The following LRRIQ1 variants were observed in gnomAD, a reference collection of about 807,000 sequenced individuals.
LRRIQ1 encodes leucine rich repeats and IQ motif containing 1, also known as leucine-rich repeat- and IQ domain-containing protein 1.
In LRRIQ1, 210 loss-of-function variants were observed where a neutral mutation model predicts 211.9. The observed-to-expected ratio is 0.99, with a 90% CI of 0.89 to 1.11. The LOEUF is 1.11. LRRIQ1 is among the 50% of genes most tolerant of loss of function. The probability of loss-of-function intolerance (pLI) is 0.00; values close to 1 mark genes in which losing one functional copy is unlikely to be tolerated. For missense variants in LRRIQ1, 2,136 were observed against 1,939.5 expected (o/e 1.10, Z -1.90); for synonymous variants, 699 against 650.1 (o/e 1.08, Z -1.14).
At chr12:85,100,384 T>G (rs967637973) in intron 13 of LRRIQ1, among the ~76,000 whole-genome samples, 1 of 151,658 alleles carries the variant, frequency 6.6e-6, no homozygotes, top group Non-Finnish European at 1.5e-5. Flanking sequence ...TTATATAAAC[T>G]AGAGAATTAA....
chr12:85,233,769 G>A (rs1231965570), intron 26 of LRRIQ1, among the ~76,000 whole-genome samples: 1 of 152,080 alleles, frequency 6.6e-6, no homozygotes, highest in Non-Finnish European at 1.5e-5. Context: ...TTTTAATAGA[G>A]ACCTCTCTAA....
chr12:85,254,695 A>G (rs12827426), intron 1 of LRRIQ1, among the ~76,000 whole-genome samples: 32,984 of 151,968 alleles, frequency 0.22, 4,385 homozygotes, highest in Non-Finnish European at 0.29. Context: ...TTTTCCTCAG[A>G]CACCATCTTA....
chr12:85,210,808 A>T lies in LRRIQ1; in HGVS notation c.4823-18709A>T, dbSNP rs536875600. On this transcript the variant is annotated intron_variant, in intron 24 of 26. Transcript: ENST00000393217. ...TTTGTGTACTGAACAAACTTAGAAG[A>T]TAAAGATAGTGTGCCCACTGAAGGT... Among the ~76,000 whole-genome samples, 10 of 152,322 alleles carry T rather than the reference A, an allele frequency of 6.6e-5. No homozygotes were observed. In the South Asian group the frequency reaches 2.1e-3, roughly 32 times the overall value.
intron 7 of LRRIQ1, among the ~76,000 whole-genome samples, chr12:85,054,739 T>C (rs1345404114): frequency 6.6e-6 from 1 of 151,830 alleles, no homozygotes; most frequent in Non-Finnish European, 1.5e-5. Context: ...ACTTGAAATA[T>C]GAGGTTATTC....
chr12:85,065,198 A>C (rs1019737213), intron 8 of LRRIQ1, 64 bp from the exon 9 acceptor site: 10 of 1,339,768 alleles, frequency 7.5e-6, no homozygotes, highest in Admixed American at 4.6e-5. Flanking sequence ...TTGTAAGGCT[A>C]ATATTGTTTA....
At chr12:85,112,992 A>G (rs1258202497) in intron 15 of LRRIQ1, among the ~76,000 whole-genome samples, 1 of 152,052 alleles carries the variant, frequency 6.6e-6, no homozygotes, top group African/African-American at 2.4e-5. Flanking sequence ...CTCTTCATTT[A>G]TTGGGGAAAG....
rs146255491 is a variant in LRRIQ1 at position 85,073,315 on chromosome 12, C to T, written c.2887+217C>T. Among the ~76,000 whole-genome samples the T allele has an allele frequency of 2.5e-3, 379 of 151,934 alleles. 2 individuals are homozygous for T. The Middle Eastern group carries it at 0.041, about 16-fold the overall frequency. ...ATGCTTTAATGTGTTTATTTGCCTGCGTTCTTGTGCTGCCTGCTTTGGATT... is the reference window on the plus strand; with the variant it reads ...ATGCTTTAATGTGTTTATTTGCCTGTGTTCTTGTGCTGCCTGCTTTGGATT... On this transcript the variant is annotated intron_variant, in intron 11 of 26. Coordinates refer to ENST00000393217, the MANE Select transcript of LRRIQ1 (RefSeq NM_001079910.2).
chr12:85,153,167 G>A (rs1207246022), intron 21 of LRRIQ1, 22 bp downstream of exon 21: 1 of 1,571,016 alleles, frequency 6.4e-7, no homozygotes, highest in Non-Finnish European at 8.6e-7. Context: ...TATTGTTTTA[G>A]AGAATCAACT....
chr12:85,148,313 C>T (rs1402346111), intron 19 of LRRIQ1, among the ~76,000 whole-genome samples: 1 of 151,788 alleles, frequency 6.6e-6, no homozygotes, highest in Non-Finnish European at 1.5e-5. Flanking sequence ...TCCCCACCCA[C>T]CAACAGGCCC....
intron 14 of LRRIQ1, 102 bp from the exon 15 acceptor site, chr12:85,106,420 G>T (rs1886786539): frequency 3.9e-6 from 3 of 769,310 alleles, no homozygotes; most frequent in Admixed American, 5.3e-5. Flanking sequence ...TAAAAATATT[G>T]CTTTTCTTTA....
At chr12:85,043,035 T>A (rs779977334) in intron 3 of LRRIQ1, among the ~76,000 whole-genome samples, 1 of 152,058 alleles carries the variant, frequency 6.6e-6, no homozygotes, top group Non-Finnish European at 1.5e-5. Context: ...TTTATTGCTG[T>A]GTTATGAATA....
intron 6 of LRRIQ1, among the ~76,000 whole-genome samples, chr12:85,050,820 T>G (rs748812829): frequency 3.8e-4 from 58 of 152,230 alleles, no homozygotes; most frequent in Non-Finnish European, 6.2e-4. Flanking sequence ...TCATATGAGA[T>G]AATGATCAAA....
chr12:85,184,086 G>C (rs1273646501), intron 24 of LRRIQ1, among the ~76,000 whole-genome samples: 1 of 151,982 alleles, frequency 6.6e-6, no homozygotes, highest in Non-Finnish European at 1.5e-5. Context: ...TTGTGACCCA[G>C]GTCTTAGAGT....
chr12:85,149,044 A>G (rs1414988330), intron 19 of LRRIQ1, among the ~76,000 whole-genome samples: 17 of 151,910 alleles, frequency 1.1e-4, no homozygotes, highest in Non-Finnish European at 2.9e-5. Context: ...TAACTTCTGG[A>G]TATTAGACTT....
intron 24 of LRRIQ1, among the ~76,000 whole-genome samples, chr12:85,187,808 T>A (rs1892296788): frequency 3.1e-5 from 4 of 129,088 alleles, no homozygotes; most frequent in South Asian, 2.4e-4. Flanking sequence ...AAACTTCATC[T>A]CAAAAAAAAA....
intron 10 of LRRIQ1, among the ~76,000 whole-genome samples, chr12:85,071,127 C>G (rs1468080276): frequency 6.6e-6 from 1 of 151,870 alleles, no homozygotes; most frequent in Non-Finnish European, 1.5e-5. Context: ...AAAGCATACT[C>G]AAGATATTGT....
chr12:85,108,670 T>C (rs1263389265), intron 15 of LRRIQ1, among the ~76,000 whole-genome samples: 1 of 152,184 alleles, frequency 6.6e-6, no homozygotes, highest in Non-Finnish European at 1.5e-5. Flanking sequence ...CTTACACTTT[T>C]GTCTTTTTTT....
downstream of LRRIQ1, among the ~76,000 whole-genome samples, chr12:85,266,628 T>C (rs184594587): frequency 6.6e-6 from 1 of 152,246 alleles, no homozygotes; most frequent in Admixed American, 6.6e-5. Context: ...GAGCCCTCTC[T>C]AGTGGATCTG....
chr12:85,207,036 G>C (rs1893592397), intron 24 of LRRIQ1, among the ~76,000 whole-genome samples: 1 of 152,070 alleles, frequency 6.6e-6, no homozygotes, highest in South Asian at 2.1e-4. Flanking sequence ...ACTTCCCTAG[G>C]CAGCTCTTCC....
Sources: gnomAD v4.1 joint callset for allele counts (sites outside exome capture counted in the v4.1 genomes callset) on GRCh38, gnomAD v4.1.1 for gene constraint, MANE v1.5 for transcripts, NCBI Gene and HGNC (gene_info 2026-07-23, HGNC 2026-07-21) for gene names.